Variants in PARD3B observed in about 807,000 individuals in gnomAD.
PARD3B encodes par-3 family cell polarity regulator beta, also known as partitioning defective 3 homolog B.
A neutral mutation model predicts 130.2 loss-of-function variants in PARD3B; 103 were observed. The observed-to-expected ratio is 0.79, with a 90% CI of 0.67 to 0.93. The LOEUF (loss-of-function observed/expected upper bound fraction) is 0.93, where lower values mean the gene tolerates loss of function less well. PARD3B is among the 40% of genes least tolerant of loss of function. The pLI is 0.00. For synonymous variants in PARD3B, 583 were observed against 553.2 expected, an observed-to-expected ratio of 1.05 and a Z score of -0.76; for missense variants, 1,609 against 1,499.2, an observed-to-expected ratio of 1.07 and a Z score of -1.21.
At chr2:204,749,503 T>G (rs1286963215) in intron 2 of PARD3B, among the ~76,000 whole-genome samples, 1 of 152,156 alleles carries the variant, frequency 6.6e-6, no homozygotes, top group Non-Finnish European at 1.5e-5. Flanking sequence ...GTTTACCAGT[T>G]TCTCCCAATT....
At position 205,461,097 on chromosome 2, in the gene PARD3B, G is replaced by A. The variant is rs963565053; in HGVS notation, c.3044+20425G>A. Reference sequence around the variant, plus strand: ...CTTTCATGGAACTTAAGACCTACAGGAGGAGACAAATATTAAATGTGTAGT... The same window carrying A: ...CTTTCATGGAACTTAAGACCTACAGAAGGAGACAAATATTAAATGTGTAGT... On this transcript the variant is annotated intron_variant, in intron 20 of 22. Transcript: ENST00000406610. The surrounding 1 kb of genome is among the most constrained non-coding windows in gnomAD (Gnocchi z 4.3). Among the ~76,000 whole-genome samples the A allele has an allele frequency of 6.6e-6, 1 of 152,154 alleles. No individual in the cohort carries two copies. The highest frequency in any genetic ancestry group is 1.5e-5 in the Non-Finnish European group (1 of 68,020).
intron 2 of PARD3B, among the ~76,000 whole-genome samples, chr2:204,755,827 T>C (rs558061377): frequency 1.3e-4 from 20 of 152,260 alleles, no homozygotes; most frequent in African/African-American, 4.6e-4. Flanking sequence ...TGATGACTTT[T>C]ACCACTATTT....
intron 18 of PARD3B, among the ~76,000 whole-genome samples, chr2:205,319,916 C>T (rs531449359): frequency 6.9e-4 from 105 of 152,086 alleles, no homozygotes; most frequent in Non-Finnish European, 1.3e-3. Context: ...TGGTGGCTCA[C>T]GCCTGTAATC....
rs565129492 is a variant in PARD3B at position 205,473,707 on chromosome 2, T to C, written c.3045-26189T>C. 0.048 allele frequency among the ~76,000 whole-genome samples: 5,548 copies of C among 114,658 alleles called. 114 individuals are homozygous for C. Among genetic ancestry groups the C allele is most frequent in the African/African-American group, 0.11 (2,313 of 20,494 alleles). The allele number at this position is 114,658 out of a possible 152,430, so 75.2% of individuals were successfully genotyped here. On this transcript the variant is annotated intron_variant, in intron 20 of 22. Coordinates refer to ENST00000406610, the MANE Select transcript of PARD3B (RefSeq NM_001302769.2). This position sits in a 1 kb window ranked among gnomAD's most constrained non-coding sequence, Gnocchi z 4.9. ...ATGTATATATATATATATATATATA[T>C]ATACACACACACGTATATAAAACCC...
intron 2 of PARD3B, among the ~76,000 whole-genome samples, chr2:204,802,197 T>C (rs1252249845): frequency 2.6e-5 from 4 of 152,182 alleles, no homozygotes; most frequent in African/African-American, 9.7e-5. Flanking sequence ...AACAGGCACT[T>C]CTCAATAGAA....
chr2:205,604,755 C>G (rs893771189), intron 22 of PARD3B, among the ~76,000 whole-genome samples: 1 of 152,130 alleles, frequency 6.6e-6, no homozygotes, highest in Non-Finnish European at 1.5e-5. Context: ...GTTGTCCTGT[C>G]TTGTTAGGTT....
chr2:204,579,147 A>T (rs1205451715), intron 1 of PARD3B, among the ~76,000 whole-genome samples: 5 of 152,080 alleles, frequency 3.3e-5, no homozygotes, highest in Non-Finnish European at 5.9e-5. Context: ...CATCATCATC[A>T]TCACAACAAC....
chr2:205,232,661 G>A (rs1418622596), intron 15 of PARD3B, among the ~76,000 whole-genome samples: 1 of 148,170 alleles, frequency 6.7e-6, no homozygotes, highest in Non-Finnish European at 1.5e-5. Context: ...ACATTCAAAA[G>A]CCAAAGGAAA....
At position 205,301,960 on chromosome 2, in the gene PARD3B, G is replaced by A. The variant is rs1482547339; in HGVS notation, c.2630+259G>A. On this transcript the variant is annotated intron_variant, in intron 18 of 22. Coordinates refer to ENST00000406610, the MANE Select transcript of PARD3B (RefSeq NM_001302769.2). This position sits in a 1 kb window ranked among gnomAD's most constrained non-coding sequence, Gnocchi z 5.2. ...ATGCCAGGCACGGTGGCTCATGCCT[G>A]TAATCTCAGTACTTTGGGAGGCTGG... The A allele has an allele frequency of 4.3e-6, 3 of 692,224 alleles. No individual in the cohort carries two copies. Among genetic ancestry groups the A allele is most frequent in the East Asian group, 2.7e-5 (1 of 36,546 alleles). 42.9% of individuals were successfully genotyped at this position (692,224 alleles called of 1,614,324 possible).
chr2:204,971,106 T>C (rs1210137814), intron 3 of PARD3B, among the ~76,000 whole-genome samples: 3 of 152,226 alleles, frequency 2.0e-5, no homozygotes, highest in African/African-American at 7.2e-5. Flanking sequence ...CCATTTTCTA[T>C]CTGATTTTGA....
intron 3 of PARD3B, among the ~76,000 whole-genome samples, chr2:205,038,390 G>T (rs11682459): frequency 0.013 from 1,955 of 152,054 alleles, 17 homozygotes; most frequent in Non-Finnish European, 0.022. Context: ...CTCCTCTGTC[G>T]CTTTATCCTT....
intron 18 of PARD3B, among the ~76,000 whole-genome samples, chr2:205,368,779 G>A (rs2044702147): frequency 1.3e-5 from 2 of 151,852 alleles, no homozygotes; most frequent in Non-Finnish European, 2.9e-5. Flanking sequence ...AGACTGGTAG[G>A]CATGTCGTGT....
chr2:204,560,007 G>T (rs1330520737), intron 1 of PARD3B, among the ~76,000 whole-genome samples: 2 of 151,970 alleles, frequency 1.3e-5, no homozygotes, highest in African/African-American at 4.8e-5. Flanking sequence ...TTGGACACAG[G>T]GTGGGGAACA....
intron 1 of PARD3B, among the ~76,000 whole-genome samples, chr2:204,639,376 T>G (rs934905966): frequency 6.6e-6 from 1 of 152,176 alleles, no homozygotes; most frequent in Non-Finnish European, 1.5e-5. Context: ...TAATAACTTT[T>G]GTTCAGGTAC....
chr2:205,238,849 A>AAAAAAATATATATATAT (rs1273582854), intron 15 of PARD3B, among the ~76,000 whole-genome samples: 4 of 76,898 alleles, frequency 5.2e-5, no homozygotes, highest in African/African-American at 1.6e-4. Context: ...AAAAAAAAAA[A>AAAAAAATATATATATAT]ATATATATAT....
intron 10 of PARD3B, among the ~76,000 whole-genome samples, chr2:205,156,014 A>C (rs913160468): frequency 2.0e-5 from 3 of 152,140 alleles, no homozygotes; most frequent in African/African-American, 7.2e-5. Flanking sequence ...AACCAACCCA[A>C]ATGTCCAACA....
At chr2:205,242,544 G>A (rs1382314631) in intron 15 of PARD3B, among the ~76,000 whole-genome samples, 3 of 152,250 alleles carry the variant, frequency 2.0e-5, no homozygotes, top group African/African-American at 7.2e-5. Context: ...CAGGTAAATT[G>A]CTAGGTCGTA....
intron 1 of PARD3B, among the ~76,000 whole-genome samples, chr2:204,674,879 A>G (rs2036465423): frequency 1.3e-5 from 2 of 152,204 alleles, no homozygotes; most frequent in African/African-American, 4.8e-5. Context: ...AGAAAGTTTG[A>G]ATTGGAGATA....
intron 2 of PARD3B, among the ~76,000 whole-genome samples, chr2:204,759,827 A>G (rs1224660871): frequency 1.3e-5 from 2 of 152,034 alleles, no homozygotes; most frequent in African/African-American, 4.8e-5. Flanking sequence ...ATTTAAACCA[A>G]ATTTTATTTT....
Sources: gnomAD v4.1 joint callset for allele counts (sites outside exome capture counted in the v4.1 genomes callset) on GRCh38, gnomAD v4.1.1 for gene constraint, Gnocchi (gnomAD v3.1) non-coding constraint, MANE v1.5 for transcripts, NCBI Gene and HGNC (gene_info 2026-07-23, HGNC 2026-07-21) for gene names.